Variants in FRMD3 observed in about 807,000 individuals in gnomAD.
The protein encoded by FRMD3 is FERM domain-containing protein 3.
FRMD3 carries 33 observed loss-of-function variants against 70.2 expected under a neutral mutation model. The ratio of observed to expected loss-of-function variants is 0.47; its 90% confidence interval spans 0.36 to 0.63. The LOEUF (loss-of-function observed/expected upper bound fraction) is 0.63, where lower values mean the gene tolerates loss of function less well. Ranked by LOEUF, FRMD3 falls within the 20% of genes least tolerant of loss-of-function variation. The pLI is 0.00. For synonymous variants in FRMD3, 279 were observed against 255.9 expected (o/e 1.09, Z -0.86); for missense variants, 632 against 711.4 (o/e 0.89, Z 1.27).
chr9:83,249,309 A>T (rs780210580), intron 13 of FRMD3, among the ~76,000 whole-genome samples: 3 of 152,174 alleles, frequency 2.0e-5, no homozygotes, highest in Non-Finnish European at 4.4e-5. Flanking sequence ...TCTAATGTTT[A>T]TTGAGAGAGA....
At chr9:83,315,440 A>G (rs1835531023) in intron 6 of FRMD3, among the ~76,000 whole-genome samples, 1 of 152,150 alleles carries the variant, frequency 6.6e-6, no homozygotes, top group Admixed American at 6.5e-5. Flanking sequence ...GTAATCCCCA[A>G]CGTTGGAGGA....
the FRMD3 span, among the ~76,000 whole-genome samples, chr9:83,581,588 T>A: frequency 6.6e-6 from 1 of 152,174 alleles, no homozygotes; most frequent in Non-Finnish European, 1.5e-5. Flanking sequence ...TACCATATGA[T>A]TCAATAATTC....
At chr9:83,434,036 G>C (rs1587848507) in intron 1 of FRMD3, among the ~76,000 whole-genome samples, 1 of 152,214 alleles carries the variant, frequency 6.6e-6, no homozygotes, top group African/African-American at 2.4e-5. Flanking sequence ...GGGCAGCAGA[G>C]GGCTTCCTGT....
intron 10 of FRMD3, among the ~76,000 whole-genome samples, chr9:83,306,568 C>A (rs1234195902): frequency 6.6e-6 from 1 of 152,218 alleles, no homozygotes; most frequent in Non-Finnish European, 1.5e-5. Context: ...AAGATTCACC[C>A]TCTCCTCTGG....
At chr9:83,260,093 A>G (rs1207579131) in intron 13 of FRMD3, among the ~76,000 whole-genome samples, 2 of 152,160 alleles carry the variant, frequency 1.3e-5, no homozygotes, top group African/African-American at 2.4e-5. Flanking sequence ...TCCCCAGTCC[A>G]GCATTCTGTG....
chr9:83,347,940 T>C (rs982149978), intron 4 of FRMD3, among the ~76,000 whole-genome samples: 4 of 152,224 alleles, frequency 2.6e-5, no homozygotes, highest in African/African-American at 9.6e-5. Flanking sequence ...TATTCCACTA[T>C]TCATACCTGA....
downstream of FRMD3, among the ~76,000 whole-genome samples, chr9:83,244,197 T>C (rs575577827): frequency 2.0e-5 from 3 of 152,214 alleles, no homozygotes; most frequent in South Asian, 4.1e-4. Context: ...AGAAGTTTAA[T>C]GGCAAGTGTC....
At chr9:83,286,677 G>A (rs1231371996) in intron 13 of FRMD3, among the ~76,000 whole-genome samples, 1 of 152,078 alleles carries the variant, frequency 6.6e-6, no homozygotes, top group Non-Finnish European at 1.5e-5. Flanking sequence ...ATCTTGAACC[G>A]TTTACAAATC....
At chr9:83,349,622 A>T (rs1426451545) in intron 4 of FRMD3, 57 bp downstream of exon 4, 2 of 1,295,806 alleles carry the variant, frequency 1.5e-6, no homozygotes, top group Non-Finnish European at 2.2e-6. Context: ...CTGCAAGACC[A>T]AAGAGATTCT....
At chr9:83,269,905 TCTC>T (rs1361836765) in intron 13 of FRMD3, among the ~76,000 whole-genome samples, 1 of 152,182 alleles carries the variant, frequency 6.6e-6, no homozygotes. Flanking sequence ...TTATGGATCT[TCTC>T]CTTTCATGGA....
intron 1 of FRMD3, among the ~76,000 whole-genome samples, chr9:83,420,307 C>T (rs1826594225): frequency 6.6e-6 from 1 of 152,184 alleles, no homozygotes; most frequent in Non-Finnish European, 1.5e-5. Flanking sequence ...AAAAAGGGGA[C>T]CAGTTGGCTT....
intron 13 of FRMD3, among the ~76,000 whole-genome samples, chr9:83,251,459 T>C (rs926826080): frequency 6.6e-6 from 1 of 152,192 alleles, no homozygotes; most frequent in Non-Finnish European, 1.5e-5. Flanking sequence ...ATGCCTCTTC[T>C]CATCCAAATG....
At chr9:83,380,978 C>G (rs959739283) in intron 2 of FRMD3, among the ~76,000 whole-genome samples, 2 of 152,150 alleles carry the variant, frequency 1.3e-5, no homozygotes, top group Non-Finnish European at 2.9e-5. Flanking sequence ...TCCACCTAGA[C>G]AAAGCCCCAG....
intron 3 of FRMD3, among the ~76,000 whole-genome samples, chr9:83,364,306 C>T (rs1417101312): frequency 6.6e-6 from 1 of 152,212 alleles, no homozygotes; most frequent in East Asian, 1.9e-4. Flanking sequence ...CGCCTGTAAT[C>T]CCAGCACTCT....
chr9:83,314,351 A>G lies in FRMD3; in HGVS notation c.597-604T>C, dbSNP rs11999641. ...ACCGCGAAGCCCTTTCAGGGCTAAC[A>G]TCTAAAGAAAGACTATGCAACATTT... On this transcript the variant is annotated intron_variant, in intron 6 of 13. Coordinates refer to ENST00000304195, the MANE Select transcript of FRMD3 (RefSeq NM_174938.6). Among the ~76,000 whole-genome samples the G allele has an allele frequency of 2.1e-3, 324 of 152,348 alleles. 1 individual carries two copies. The highest frequency in any genetic ancestry group is 7.4e-3 in the African/African-American group (308 of 41,576).
intron 1 of FRMD3, among the ~76,000 whole-genome samples, chr9:83,393,849 G>A (rs571385782): frequency 9.2e-5 from 14 of 152,174 alleles, no homozygotes; most frequent in African/African-American, 2.9e-4. Context: ...TCTGAGGCCC[G>A]GGGATTGGAT....
intron 1 of FRMD3, among the ~76,000 whole-genome samples, chr9:83,403,964 G>A (rs765639458): frequency 1.1e-4 from 16 of 151,970 alleles, no homozygotes; most frequent in Admixed American, 2.0e-4. Flanking sequence ...TGTCATACCC[G>A]AAGGTTCCCA....
intron 13 of FRMD3, among the ~76,000 whole-genome samples, chr9:83,287,263 A>G (rs1834256383): frequency 2.0e-5 from 3 of 152,210 alleles, no homozygotes; most frequent in African/African-American, 7.2e-5. Flanking sequence ...TTGGTTGTCA[A>G]GACCAGTGGG....
At chr9:83,529,034 G>T (rs1829741501) in intron 1 of FRMD3, among the ~76,000 whole-genome samples, 1 of 152,166 alleles carries the variant, frequency 6.6e-6, no homozygotes, top group African/African-American at 2.4e-5. Context: ...GATAAAAGCA[G>T]CATTGTTTTG....
Sources: allele counts gnomAD v4.1 joint callset (sites outside exome capture counted in the v4.1 genomes callset), GRCh38; gene constraint gnomAD v4.1.1; transcripts MANE v1.5; gene names NCBI Gene and HGNC (gene_info 2026-07-23, HGNC 2026-07-21).